PLXDC2: variants seen among roughly 807,000 people sequenced by gnomAD.
PLXDC2 encodes plexin domain containing 2, also known as plexin domain-containing protein 2.
Under a neutral mutation model 68.9 loss-of-function variants are expected in PLXDC2, and 40 were observed. That is an observed-to-expected ratio of 0.58 (90% CI 0.45 to 0.76). The LOEUF (loss-of-function observed/expected upper bound fraction) is 0.76, where lower values mean the gene tolerates loss of function less well. Among genes scored for constraint, PLXDC2 ranks in the 30% least tolerant of loss-of-function variants. PLXDC2 has a pLI of 0.00. For synonymous variants in PLXDC2, 243 were observed against 234.2 expected, an observed-to-expected ratio of 1.04 and a Z score of -0.34; for missense variants, 644 against 661.9, an observed-to-expected ratio of 0.97 and a Z score of 0.30.
chr10:20,119,465 C>CA (rs1833666224), intron 4 of PLXDC2, among the ~76,000 whole-genome samples: 2 of 151,734 alleles, frequency 1.3e-5, no homozygotes, highest in South Asian at 2.1e-4. Context: ...AAGACAATGT[C>CA]TCAGTTAAGG....
intron 1 of PLXDC2, among the ~76,000 whole-genome samples, chr10:19,877,399 C>T: frequency 6.6e-6 from 1 of 152,118 alleles, no homozygotes; most frequent in East Asian, 1.9e-4. Context: ...CCCTTTCTTC[C>T]AGGGTAATAC....
intron 1 of PLXDC2, among the ~76,000 whole-genome samples, chr10:19,861,871 G>A (rs187169528): frequency 2.6e-5 from 4 of 152,258 alleles, no homozygotes; most frequent in Admixed American, 2.0e-4. Context: ...TTAGTAACCT[G>A]CAGCTACATC....
At chr10:20,196,390 A>G (rs1451526529) in intron 9 of PLXDC2, among the ~76,000 whole-genome samples, 1 of 152,146 alleles carries the variant, frequency 6.6e-6, no homozygotes, top group African/African-American at 2.4e-5. Flanking sequence ...TCCCATAAGC[A>G]CTTCTCGACC....
At chr10:19,942,275 A>G (rs1321376804) in intron 1 of PLXDC2, among the ~76,000 whole-genome samples, 1 of 152,218 alleles carries the variant, frequency 6.6e-6, no homozygotes, top group Non-Finnish European at 1.5e-5. Context: ...TAAATAGTGC[A>G]ACATAATCCC....
chr10:20,123,769 A>G (rs893655974), intron 4 of PLXDC2, among the ~76,000 whole-genome samples: 7 of 151,874 alleles, frequency 4.6e-5, no homozygotes, highest in African/African-American at 1.7e-4. Context: ...GGGCACGGAA[A>G]TAAGGGATTG....
Position 19,826,594 on chromosome 10 carries a change from G to C in PLXDC2, c.112+9403G>C, listed in dbSNP as rs117484187. Among the ~76,000 whole-genome samples, 438 of 152,222 alleles carry C rather than the reference G, an allele frequency of 2.9e-3. 11 individuals carry two copies. In the East Asian group the frequency reaches 0.055, roughly 19 times the overall value. Reference sequence around the variant, plus strand: ...CACATTTTAGTTTGAGAGCATTCTTGCTATATTACAAAGATATTGCTCAGT... The same window carrying C: ...CACATTTTAGTTTGAGAGCATTCTTCCTATATTACAAAGATATTGCTCAGT... On this transcript the variant is annotated intron_variant, in intron 1 of 13. Transcript: ENST00000377252.
chr10:20,157,174 G>C (rs1411383154), intron 6 of PLXDC2, among the ~76,000 whole-genome samples: 1 of 152,184 alleles, frequency 6.6e-6, no homozygotes, highest in Non-Finnish European at 1.5e-5. Context: ...GAAAGTTAAG[G>C]GTTACAGGCA....
intron 4 of PLXDC2, among the ~76,000 whole-genome samples, chr10:20,083,349 C>G (rs931487785): frequency 6.6e-6 from 1 of 151,864 alleles, no homozygotes; most frequent in Admixed American, 6.6e-5. Context: ...AGGTGGCATG[C>G]GCCTGTAGTC....
At chr10:20,255,011 A>AATT (rs1320966809) in intron 13 of PLXDC2, among the ~76,000 whole-genome samples, 1 of 152,232 alleles carries the variant, frequency 6.6e-6, no homozygotes, top group Non-Finnish European at 1.5e-5. Flanking sequence ...TAGTGTTTCT[A>AATT]ATTTAATGAA....
chr10:19,931,942 T>C (rs1322207942), intron 1 of PLXDC2, among the ~76,000 whole-genome samples: 1 of 139,710 alleles, frequency 7.2e-6, no homozygotes, highest in African/African-American at 2.8e-5. Context: ...AAATATCTTC[T>C]AATTTGGGAA....
chr10:20,216,610 G>C (rs555094049), intron 10 of PLXDC2, among the ~76,000 whole-genome samples: 1 of 152,120 alleles, frequency 6.6e-6, no homozygotes, highest in Non-Finnish European at 1.5e-5. Context: ...TGTGGGATGA[G>C]AACCACTCAT....
intron 13 of PLXDC2, among the ~76,000 whole-genome samples, chr10:20,277,737 T>G (rs1836027083): frequency 1.3e-5 from 2 of 152,232 alleles, no homozygotes; most frequent in African/African-American, 4.8e-5. Context: ...AAACCCTAGC[T>G]ACATGACATT....
chr10:20,044,375 A>G (rs1835760052), intron 2 of PLXDC2, among the ~76,000 whole-genome samples: 1 of 149,454 alleles, frequency 6.7e-6, no homozygotes, highest in Non-Finnish European at 1.5e-5. Context: ...TAACAGCACG[A>G]TCTAGGCTCA....
intron 4 of PLXDC2, among the ~76,000 whole-genome samples, chr10:20,138,083 T>A (rs1193245712): frequency 6.6e-6 from 1 of 152,216 alleles, no homozygotes; most frequent in Non-Finnish European, 1.5e-5. Flanking sequence ...TAGAGCTCAA[T>A]TTTATTTAAA....
rs552503808 is a variant in PLXDC2 at position 20,112,763 on chromosome 10, A to G, written c.542-30532A>G. Among the ~76,000 whole-genome samples, 7 of 152,360 alleles carry G rather than the reference A, an allele frequency of 4.6e-5. No homozygotes were observed. In the South Asian group the frequency reaches 1.5e-3, roughly 32 times the overall value. On this transcript the variant is annotated intron_variant, in intron 4 of 13. Transcript: ENST00000377252. ...AGATAAGACCACATGAAAGTTGGAAAGAAAATTTTTACCGTGGAATATATG... is the reference window on the plus strand; with the variant it reads ...AGATAAGACCACATGAAAGTTGGAAGGAAAATTTTTACCGTGGAATATATG...
At chr10:19,944,976 A>G (rs1833878504) in intron 1 of PLXDC2, among the ~76,000 whole-genome samples, 1 of 151,672 alleles carries the variant, frequency 6.6e-6, no homozygotes, top group Non-Finnish European at 1.5e-5. Context: ...CAAAACAAAA[A>G]AAGAAACAGA....
At chr10:20,036,409 C>T (rs904726679) in intron 2 of PLXDC2, among the ~76,000 whole-genome samples, 1 of 152,104 alleles carries the variant, frequency 6.6e-6, no homozygotes, top group Non-Finnish European at 1.5e-5. Context: ...GCTGGAATCT[C>T]GATCTTGGAC....
At chr10:19,908,475 A>T (rs1027884606) in intron 1 of PLXDC2, among the ~76,000 whole-genome samples, 1 of 152,164 alleles carries the variant, frequency 6.6e-6, no homozygotes, top group East Asian at 1.9e-4. Context: ...AAAGAGAGGG[A>T]TGGGGGTGGA....
intron 13 of PLXDC2, among the ~76,000 whole-genome samples, chr10:20,273,823 T>C (rs1835970409): frequency 1.3e-5 from 2 of 152,130 alleles, no homozygotes; most frequent in Non-Finnish European, 2.9e-5. Flanking sequence ...TCGAGACCAG[T>C]CTGGGCAATG....
Sources: gnomAD v4.1 joint callset for allele counts (sites outside exome capture counted in the v4.1 genomes callset) on GRCh38, gnomAD v4.1.1 for gene constraint, MANE v1.5 for transcripts, NCBI Gene and HGNC (gene_info 2026-07-23, HGNC 2026-07-21) for gene names.